RSPO3: variants seen among roughly 807,000 people sequenced by gnomAD.
The protein encoded by RSPO3 is R-spondin 3.
In RSPO3, 17 loss-of-function variants were observed where a neutral mutation model predicts 36.5. That is an observed-to-expected ratio of 0.47 (90% CI 0.32 to 0.70). The LOEUF (loss-of-function observed/expected upper bound fraction) is 0.70. Ranked by LOEUF, RSPO3 falls within the 30% of genes least tolerant of loss-of-function variation. The pLI is 0.04. For missense variants in RSPO3, 294 were observed against 322.5 expected (o/e 0.91, Z 0.68); for synonymous variants, 108 against 107.0 (o/e 1.01, Z -0.06).
intron 1 of RSPO3, among the ~76,000 whole-genome samples, chr6:127,138,932 T>C (rs1774214147): frequency 6.6e-6 from 1 of 152,210 alleles, no homozygotes; most frequent in African/African-American, 2.4e-5. Flanking sequence ...CCAGTACCTC[T>C]TCACCCTGTC....
intron 1 of RSPO3, among the ~76,000 whole-genome samples, chr6:127,121,636 G>C (rs1050994971): frequency 6.6e-6 from 1 of 152,176 alleles, no homozygotes; most frequent in Non-Finnish European, 1.5e-5. Flanking sequence ...ATGACTTAAG[G>C]AGGAAGGAGT....
intron 4 of RSPO3, among the ~76,000 whole-genome samples, chr6:127,165,051 G>T (rs956337824): frequency 6.6e-6 from 1 of 151,954 alleles, no homozygotes; most frequent in African/African-American, 2.4e-5. Context: ...AAAGCACAAT[G>T]CCACTTACTA....
intron 4 of RSPO3, among the ~76,000 whole-genome samples, chr6:127,179,613 C>G (rs1775139997): frequency 1.3e-5 from 2 of 151,816 alleles, no homozygotes; most frequent in African/African-American, 4.8e-5. Flanking sequence ...TTGCTGTCAT[C>G]ATAAATTACC....
intron 3 of RSPO3, among the ~76,000 whole-genome samples, chr6:127,154,782 C>CTCATT (rs1195779993): frequency 2.6e-5 from 4 of 152,074 alleles, no homozygotes; most frequent in African/African-American, 9.7e-5. Flanking sequence ...CTGGTGGGGG[C>CTCATT]TAATGGAGAA....
intron 4 of RSPO3, among the ~76,000 whole-genome samples, chr6:127,173,131 G>GA (rs1430240885): frequency 2.0e-5 from 3 of 151,242 alleles, no homozygotes; most frequent in Non-Finnish European, 4.4e-5. Context: ...TATCATTGTT[G>GA]AAAAAATTGA....
chr6:127,131,735 C>T (rs1774061687), intron 1 of RSPO3, among the ~76,000 whole-genome samples: 1 of 152,090 alleles, frequency 6.6e-6, no homozygotes. Context: ...CCCCCACTAG[C>T]TCTTTCATGC....
chr6:127,133,026 C>T (rs903648768), intron 1 of RSPO3, among the ~76,000 whole-genome samples: 1 of 152,026 alleles, frequency 6.6e-6, no homozygotes, highest in Non-Finnish European at 1.5e-5. Flanking sequence ...TGGTAAGTCA[C>T]AATATGAGAT....
In RSPO3 at chr6:127,195,951, A is replaced by G; in HGVS notation, c.763A>G (p.Lys255Glu). Residue 255 changes from lysine (K) to glutamate (E), a missense_variant, in exon 5 of 5, where the codon AAG (lysine) becomes GAG (glutamate). By Grantham distance (56) the Lys-to-Glu change is moderately conservative (BLOSUM62 1). This residue lies in a region of RSPO3 where 190 missense variants were observed against 185.2 expected (regional missense o/e 1.03). Coordinates refer to ENST00000356698, the MANE Select transcript of RSPO3 (RefSeq NM_032784.5). ...PEQRENKQQQ[K>E]KRKVQDKQKS... ...GCAACGAGAAAACAAACAGCAGCAG[A>G]AGAAGCGAAAAGTCCAAGATAAACA... is the stretch of plus-strand genomic sequence containing the variant. 1 of 1,613,108 alleles carries G rather than the reference A, an allele frequency of 6.2e-7. No individual in the cohort carries two copies. The highest frequency in any genetic ancestry group is 8.5e-7 in the Non-Finnish European group (1 of 1,179,286).
intron 1 of RSPO3, among the ~76,000 whole-genome samples, chr6:127,124,669 T>A (rs768531554): frequency 6.6e-6 from 1 of 152,082 alleles, no homozygotes; most frequent in Non-Finnish European, 1.5e-5. Context: ...AAATTTAATA[T>A]CTGACAACCT....
At position 127,188,702 on chromosome 6, in the gene RSPO3, G is replaced by A. The variant is rs575154505; in HGVS notation, c.635-7121G>A. Among the ~76,000 whole-genome samples the A allele has an allele frequency of 3.3e-5, 5 of 152,142 alleles. No individual in the cohort carries two copies. The South Asian group carries it at 1.0e-3, about 32-fold the overall frequency. On this transcript the variant is annotated intron_variant, in intron 4 of 4. Coordinates refer to ENST00000356698, the MANE Select transcript of RSPO3 (RefSeq NM_032784.5). The stretch of plus-strand genomic sequence containing the variant: ...AATAGAGAATGAGATAGTGCTGAAT[G>A]GTGCTGACTCAAAAAGTTTATTCCA...
At chr6:127,146,283 T>G (rs1490399990) in intron 1 of RSPO3, among the ~76,000 whole-genome samples, 1 of 146,486 alleles carries the variant, frequency 6.8e-6, no homozygotes, top group Non-Finnish European at 1.5e-5. Flanking sequence ...AACCCTTGCC[T>G]AGGAAGTCAT....
chr6:127,138,087 C>T (rs1226938712), intron 1 of RSPO3, among the ~76,000 whole-genome samples: 3 of 152,098 alleles, frequency 2.0e-5, no homozygotes, highest in African/African-American at 7.2e-5. Context: ...TACCTAAATC[C>T]ACTGGATTCA....
chr6:127,119,536 C>T (rs1773794917), intron 1 of RSPO3, among the ~76,000 whole-genome samples: 2 of 152,248 alleles, frequency 1.3e-5, no homozygotes, highest in Non-Finnish European at 2.9e-5. Flanking sequence ...TGGCTCCCGC[C>T]CCATGGTAAC....
chr6:127,170,077 C>T (rs143596137), intron 4 of RSPO3, among the ~76,000 whole-genome samples: 1 of 151,652 alleles, frequency 6.6e-6, no homozygotes, highest in East Asian at 2.0e-4. Context: ...CTGAGAAGGT[C>T]TGCCAAAAAA....
At chr6:127,153,023 C>G (rs1258618142) in intron 3 of RSPO3, among the ~76,000 whole-genome samples, 1 of 152,096 alleles carries the variant, frequency 6.6e-6, no homozygotes, top group African/African-American at 2.4e-5. Flanking sequence ...AATAGGACAT[C>G]CTATTCAACT....
intron 1 of RSPO3, among the ~76,000 whole-genome samples, chr6:127,142,058 T>G (rs2114568766): frequency 6.6e-6 from 1 of 152,326 alleles, no homozygotes; most frequent in Non-Finnish European, 1.5e-5. Flanking sequence ...TGGCAGGGTC[T>G]GTATATATTT....
intron 1 of RSPO3, among the ~76,000 whole-genome samples, chr6:127,148,093 T>A (rs1774422774): frequency 6.6e-6 from 1 of 152,134 alleles, no homozygotes; most frequent in Non-Finnish European, 1.5e-5. Flanking sequence ...TGTTCTCTAA[T>A]ACACCATAGT....
At chr6:127,120,702 C>G (rs923467765) in intron 1 of RSPO3, among the ~76,000 whole-genome samples, 2 of 152,276 alleles carry the variant, frequency 1.3e-5, no homozygotes, top group Admixed American at 6.5e-5. Flanking sequence ...AGGTTTGATT[C>G]ACCTGAAAAT....
intron 4 of RSPO3, among the ~76,000 whole-genome samples, chr6:127,187,976 C>A (rs926046522): frequency 6.6e-6 from 1 of 152,034 alleles, no homozygotes; most frequent in African/African-American, 2.4e-5. Flanking sequence ...GTTCTTTTAA[C>A]ATAGAACAGG....
Sources: gnomAD v4.1 joint callset for allele counts (sites outside exome capture counted in the v4.1 genomes callset) on GRCh38, gnomAD v4.1.1 for gene constraint, gnomAD v4.1.1 regional missense constraint, MANE v1.5 for transcripts, NCBI Gene and HGNC (gene_info 2026-07-23, HGNC 2026-07-21) for gene names.